Variants in LRMDA observed in about 807,000 individuals in gnomAD.
The protein encoded by LRMDA is leucine-rich melanocyte differentiation-associated protein.
Under a neutral mutation model 29.8 loss-of-function variants are expected in LRMDA, and 18 were observed. The ratio of observed to expected loss-of-function variants is 0.60; its 90% confidence interval spans 0.42 to 0.90. The LOEUF (loss-of-function observed/expected upper bound fraction) is 0.90, where lower values mean the gene tolerates loss of function less well. LRMDA is among the 40% of genes least tolerant of loss of function. The probability of loss-of-function intolerance (pLI) is 0.00; values close to 1 mark genes in which losing one functional copy is unlikely to be tolerated. For synonymous variants in LRMDA, 125 were observed against 109.4 expected (o/e 1.14, Z -0.89); for missense variants, 273 against 273.9 (o/e 1.00, Z 0.02).
At chr10:75,716,670 G>A (rs994935619) in intron 2 of LRMDA, among the ~76,000 whole-genome samples, 12 of 152,146 alleles carry the variant, frequency 7.9e-5, no homozygotes, top group African/African-American at 2.9e-4. Flanking sequence ...ATGGGGGTTC[G>A]ATGGTGCCAC....
chr10:75,747,010 C>T (rs1842898524), intron 2 of LRMDA, among the ~76,000 whole-genome samples: 1 of 152,024 alleles, frequency 6.6e-6, no homozygotes, highest in South Asian at 2.1e-4. Context: ...CTGAAGATAT[C>T]TATGGGAATT....
chr10:75,448,146 G>A (rs1385848821), intron 2 of LRMDA, among the ~76,000 whole-genome samples: 1 of 152,186 alleles, frequency 6.6e-6, no homozygotes, highest in Non-Finnish European at 1.5e-5. Context: ...GATGATCCCT[G>A]TAACTTGCAA....
intron 2 of LRMDA, among the ~76,000 whole-genome samples, chr10:75,662,122 T>TC: frequency 6.6e-6 from 1 of 152,108 alleles, no homozygotes; most frequent in African/African-American, 2.4e-5. Context: ...TTTTTTTTTT[T>TC]CTGCCAAAAT....
intron 5 of LRMDA, among the ~76,000 whole-genome samples, chr10:76,175,499 G>T (rs1430504149): frequency 6.6e-6 from 1 of 152,136 alleles, no homozygotes; most frequent in African/African-American, 2.4e-5. Flanking sequence ...TCTGGCCACT[G>T]GTGTGGTCAT....
Position 75,754,762 on chromosome 10 carries a change from C to A in LRMDA, c.132-281246C>A, listed in dbSNP as rs182485743. On this transcript the variant is annotated intron_variant, in intron 2 of 6. Coordinates refer to ENST00000611255, the MANE Select transcript of LRMDA (RefSeq NM_001305581.2). ...CCTTTTCCCCGTTTCCTTCATCCAG[C>A]TAGCAGGAATTTTTTCTCTCTCTCT... Among the ~76,000 whole-genome samples, 28 of 152,172 alleles carry A rather than the reference C, an allele frequency of 1.8e-4. No individual in the cohort carries two copies. In the South Asian group the frequency reaches 2.5e-3, roughly 14 times the overall value.
At chr10:76,079,424 G>A (rs1849015323) in intron 5 of LRMDA, among the ~76,000 whole-genome samples, 1 of 152,128 alleles carries the variant, frequency 6.6e-6, no homozygotes, top group African/African-American at 2.4e-5. Context: ...GGCTCCTCAG[G>A]GAAAACACAG....
intron 2 of LRMDA, among the ~76,000 whole-genome samples, chr10:75,574,936 G>T (rs778347813): frequency 6.6e-6 from 1 of 152,200 alleles, no homozygotes; most frequent in South Asian, 2.1e-4. Flanking sequence ...ACTAATCACT[G>T]TTCTGCAGGC....
At chr10:76,347,537 A>C (rs920736409) in intron 6 of LRMDA, among the ~76,000 whole-genome samples, 2 of 152,188 alleles carry the variant, frequency 1.3e-5, no homozygotes, top group Non-Finnish European at 1.5e-5. Context: ...CCCATTGACT[A>C]TGCACTTTCT....
intron 5 of LRMDA, among the ~76,000 whole-genome samples, chr10:76,315,488 T>G (rs1840681868): frequency 6.6e-6 from 1 of 152,214 alleles, no homozygotes; most frequent in Non-Finnish European, 1.5e-5. Context: ...AGCAAAGTTG[T>G]GGCCAAGCCC....
intron 6 of LRMDA, among the ~76,000 whole-genome samples, chr10:76,468,400 G>T (rs1205031786): frequency 6.6e-6 from 1 of 152,144 alleles, no homozygotes; most frequent in East Asian, 1.9e-4. Flanking sequence ...TTTGAGGCTT[G>T]CTTTTCATTA....
chr10:75,488,118 G>A (rs1844937345), intron 2 of LRMDA, among the ~76,000 whole-genome samples: 1 of 152,136 alleles, frequency 6.6e-6, no homozygotes, highest in Admixed American at 6.6e-5. Context: ...GGAGGCTGAG[G>A]ATGCTAAATG....
At chr10:76,061,127 C>T (rs1048824158) in intron 5 of LRMDA, among the ~76,000 whole-genome samples, 4 of 152,084 alleles carry the variant, frequency 2.6e-5, no homozygotes, top group African/African-American at 7.2e-5. Flanking sequence ...AGCCTAAATG[C>T]CCATCAGTGA....
chr10:76,042,698 A>G (rs1452147376), intron 3 of LRMDA, among the ~76,000 whole-genome samples: 1 of 152,126 alleles, frequency 6.6e-6, no homozygotes, highest in Non-Finnish European at 1.5e-5. Context: ...TTTCCTGCAA[A>G]TTTCTCATAG....
chr10:75,538,867 C>A (rs1839983360), intron 2 of LRMDA, among the ~76,000 whole-genome samples: 1 of 152,152 alleles, frequency 6.6e-6, no homozygotes, highest in South Asian at 2.1e-4. Context: ...CTTCTGCTAG[C>A]CTCATGTGAT....
rs561246556 is a variant in LRMDA, at chr10:76,032,257, G to A, written c.132-3751G>A. ...CAGAAGGGACTGGGCCTCAAGGGGC[G>A]GCCCTTCTGTGGGGCCCCTGGCCCC... On this transcript the variant is annotated intron_variant, in intron 2 of 6. Coordinates refer to ENST00000611255, the MANE Select transcript of LRMDA (RefSeq NM_001305581.2). 9.3e-4 allele frequency among the ~76,000 whole-genome samples: 142 copies of A among 152,288 alleles called. 1 individual carries two copies. Among genetic ancestry groups the A allele is most frequent in the African/African-American group, 3.1e-3 (130 of 41,582 alleles).
intron 2 of LRMDA, among the ~76,000 whole-genome samples, chr10:76,008,930 T>C (rs1231822531): frequency 6.6e-6 from 1 of 152,190 alleles, no homozygotes; most frequent in Non-Finnish European, 1.5e-5. Flanking sequence ...ATCCCCTTAT[T>C]TTTTTGCAGA....
At chr10:75,530,765 C>T (rs1226944691) in intron 2 of LRMDA, among the ~76,000 whole-genome samples, 1 of 152,124 alleles carries the variant, frequency 6.6e-6, no homozygotes, top group African/African-American at 2.4e-5. Context: ...CTCTCCTCAC[C>T]ATTCCTGAGT....
At chr10:76,083,306 A>G (rs1849077185) in intron 5 of LRMDA, among the ~76,000 whole-genome samples, 1 of 152,114 alleles carries the variant, frequency 6.6e-6, no homozygotes, top group Non-Finnish European at 1.5e-5. Context: ...AGCCAGTCCT[A>G]CTTCTGCTTA....
chr10:76,221,339 A>T lies in LRMDA; in HGVS notation c.517-103062A>T, dbSNP rs1052956639. Among the ~76,000 whole-genome samples, 69 of 152,276 alleles carry T rather than the reference A, an allele frequency of 4.5e-4. 1 individual carries two copies. Among genetic ancestry groups the T allele is most frequent in the African/African-American group, 1.5e-3 (63 of 41,558 alleles). On this transcript the variant is annotated intron_variant, in intron 5 of 6. Coordinates refer to ENST00000611255, the MANE Select transcript of LRMDA (RefSeq NM_001305581.2). ...AAAAGAGGAAGTCAAATTGTCCCTG[A>T]TTGCAGATGACATGATTGTACATCT...
Sources: allele counts gnomAD v4.1 joint callset (sites outside exome capture counted in the v4.1 genomes callset), GRCh38; gene constraint gnomAD v4.1.1; transcripts MANE v1.5; gene names NCBI Gene and HGNC (gene_info 2026-07-23, HGNC 2026-07-21).